The following B3GALT1 variants were observed in gnomAD, a reference collection of about 807,000 sequenced individuals.
The protein encoded by B3GALT1 is beta-1,3-galactosyltransferase 1.
B3GALT1 carries 10 observed loss-of-function variants against 23.2 expected under a neutral mutation model. The observed-to-expected ratio is 0.43, with a 90% CI of 0.27 to 0.73. B3GALT1 has a LOEUF of 0.73. B3GALT1 is among the 30% of genes least tolerant of loss of function. The pLI is 0.21. For missense variants in B3GALT1, 299 were observed against 405.4 expected, an observed-to-expected ratio of 0.74 and a Z score of 2.25; for synonymous variants, 156 against 141.5, an observed-to-expected ratio of 1.10 and a Z score of -0.73.
At chr2:167,340,415 C>T (rs1697129798) in intron 1 of B3GALT1, among the ~76,000 whole-genome samples, 1 of 151,604 alleles carries the variant, frequency 6.6e-6, no homozygotes, top group Non-Finnish European at 1.5e-5. Context: ...TGCAGTCTAC[C>T]CCTGAAGACA....
At chr2:167,664,243 C>G (rs1356881816) in intron 3 of B3GALT1, among the ~76,000 whole-genome samples, 2 of 150,958 alleles carry the variant, frequency 1.3e-5, no homozygotes, top group African/African-American at 2.5e-5. Context: ...GCTTGTTTTT[C>G]TCAGGTTTGT....
intron 3 of B3GALT1, chr2:167,714,675 AATT>A: frequency 4.3e-6 from 7 of 1,613,900 alleles, no homozygotes; most frequent in Middle Eastern, 1.7e-4. Context: ...GCTGCCAACC[AATT>A]ATTATGTCCT....
chr2:167,317,980 A>G (rs1205209204), intron 1 of B3GALT1, among the ~76,000 whole-genome samples: 4 of 152,098 alleles, frequency 2.6e-5, no homozygotes, highest in East Asian at 1.9e-4. Context: ...CAATACCAAA[A>G]TAATTATCCC....
intron 2 of B3GALT1, among the ~76,000 whole-genome samples, chr2:167,588,377 A>G (rs1050651527): frequency 6.6e-6 from 1 of 152,238 alleles, no homozygotes; most frequent in African/African-American, 2.4e-5. Context: ...CCACATTTGC[A>G]TAATTGCCAA....
chr2:167,403,346 A>G (rs911755468), intron 1 of B3GALT1, among the ~76,000 whole-genome samples: 2 of 152,086 alleles, frequency 1.3e-5, no homozygotes, highest in African/African-American at 4.8e-5. Context: ...TTCAAAGGAC[A>G]TGAACTTATC....
chr2:167,506,575 C>T (rs1189966705), intron 2 of B3GALT1, among the ~76,000 whole-genome samples: 6 of 152,256 alleles, frequency 3.9e-5, no homozygotes, highest in African/African-American at 1.4e-4. Context: ...TGATTTATGA[C>T]AAACATTACA....
intron 2 of B3GALT1, among the ~76,000 whole-genome samples, chr2:167,640,911 A>G (rs995499621): frequency 3.3e-5 from 5 of 152,148 alleles, no homozygotes; most frequent in African/African-American, 9.6e-5. Flanking sequence ...TTGACTTAAC[A>G]TTTCATAAAA....
At chr2:167,366,962 T>A (rs561010492) in intron 1 of B3GALT1, among the ~76,000 whole-genome samples, 6 of 152,300 alleles carry the variant, frequency 3.9e-5, no homozygotes, top group South Asian at 4.1e-4. Context: ...TAGAAATGGC[T>A]CAGTGCTACA....
intron 2 of B3GALT1, among the ~76,000 whole-genome samples, chr2:167,636,588 A>G (rs1341974433): frequency 2.6e-5 from 4 of 152,162 alleles, no homozygotes; most frequent in Non-Finnish European, 5.9e-5. Flanking sequence ...ACCAACCCAA[A>G]TGCCCATCAA....
intron 2 of B3GALT1, among the ~76,000 whole-genome samples, chr2:167,514,120 GA>G: frequency 6.6e-6 from 1 of 152,202 alleles, no homozygotes; most frequent in East Asian, 1.9e-4. Context: ...TATTAGCTAG[GA>G]TGGTCTCGAT....
At chr2:167,351,283 A>AT (rs1559072526) in intron 1 of B3GALT1, among the ~76,000 whole-genome samples, 2 of 150,824 alleles carry the variant, frequency 1.3e-5, no homozygotes, top group Non-Finnish European at 2.9e-5. Context: ...AAAAAAAAAA[A>AT]CGAAAACAAA....
chr2:167,823,375 T>G (rs899226776), intron 4 of B3GALT1, among the ~76,000 whole-genome samples: 2 of 152,216 alleles, frequency 1.3e-5, no homozygotes, highest in Non-Finnish European at 2.9e-5. Flanking sequence ...AAAATCATTC[T>G]TAACTGTGTG....
chr2:167,389,485 A>G (rs570702334), intron 1 of B3GALT1, among the ~76,000 whole-genome samples: 2 of 152,118 alleles, frequency 1.3e-5, no homozygotes, highest in Non-Finnish European at 1.5e-5. Context: ...AATGCCTTCA[A>G]TTACCCAACT....
intron 4 of B3GALT1, among the ~76,000 whole-genome samples, chr2:167,839,810 G>A (rs1689592640): frequency 6.6e-6 from 1 of 152,182 alleles, no homozygotes; most frequent in South Asian, 2.1e-4. Flanking sequence ...AAAACAGCAT[G>A]GTACTGGTAC....
chr2:167,426,363 C>G (rs919470668), intron 1 of B3GALT1, among the ~76,000 whole-genome samples: 1 of 152,054 alleles, frequency 6.6e-6, no homozygotes, highest in South Asian at 2.1e-4. Flanking sequence ...CAACCTCCGC[C>G]TCCTGGGTTC....
chr2:167,745,107 T>C (rs1244136594), intron 3 of B3GALT1, among the ~76,000 whole-genome samples: 1 of 152,200 alleles, frequency 6.6e-6, no homozygotes, highest in Non-Finnish European at 1.5e-5. Context: ...TTTTTTGTCT[T>C]ATTCCATTGT....
chr2:167,525,137 A>G (rs1683199094), intron 2 of B3GALT1, among the ~76,000 whole-genome samples: 1 of 152,200 alleles, frequency 6.6e-6, no homozygotes, highest in Non-Finnish European at 1.5e-5. Flanking sequence ...TTTCCTGGCA[A>G]TTGATGCCGA....
At chr2:167,387,012 C>CATCATATCATATCATATCATATCAT (rs143849741) in intron 1 of B3GALT1, among the ~76,000 whole-genome samples, 109 of 151,232 alleles carry the variant, frequency 7.2e-4, no homozygotes, top group African/African-American at 2.3e-3. Flanking sequence ...TAGGTAGTCT[C>CATCATATCATATCATATCATATCAT]ATCATATCAT....
At chr2:167,467,922 G>A (rs1465075327) in intron 1 of B3GALT1, among the ~76,000 whole-genome samples, 1 of 152,156 alleles carries the variant, frequency 6.6e-6, no homozygotes, top group African/African-American at 2.4e-5. Flanking sequence ...ACCATACGTT[G>A]TAGTCCAGTA....
Sources: allele counts gnomAD v4.1 joint callset (sites outside exome capture counted in the v4.1 genomes callset), GRCh38; gene constraint gnomAD v4.1.1; transcripts MANE v1.5; gene names NCBI Gene and HGNC (gene_info 2026-07-23, HGNC 2026-07-21).